The following SLC4A1AP variants were observed in gnomAD, a reference collection of about 807,000 sequenced individuals.
SLC4A1AP encodes kanadaptin.
Under a neutral mutation model 89.7 loss-of-function variants are expected in SLC4A1AP, and 64 were observed. That is an observed-to-expected ratio of 0.71 (90% CI 0.58 to 0.88). The LOEUF is 0.88. Among genes scored for constraint, SLC4A1AP ranks in the 40% least tolerant of loss-of-function variants. The probability of loss-of-function intolerance (pLI) is 0.00; values close to 1 mark genes in which losing one functional copy is unlikely to be tolerated. For missense variants in SLC4A1AP, 931 were observed against 965.0 expected (o/e 0.96, Z 0.47); for synonymous variants, 366 against 353.3 (o/e 1.04, Z -0.40).
chr2:27,676,138 C>CA (rs1172179212), intron 6 of SLC4A1AP, among the ~76,000 whole-genome samples: 1 of 152,098 alleles, frequency 6.6e-6, no homozygotes, highest in Non-Finnish European at 1.5e-5. Flanking sequence ...GGGTAGGTAA[C>CA]AGACAATAAT....
At position 27,688,747 on chromosome 2, in the gene SLC4A1AP, A is replaced by G. The variant is rs540451865; in HGVS notation, c.2251A>G (p.Lys751Glu). ...AAGCAGAGGTGAATTGAAGAAAAAG[A>G]AAACACCTGGTCCAGGCAAAGTAAG... Residue 751 changes from lysine to glutamate, a missense_variant, in exon 12 of 14, where the codon AAA becomes GAA. Lys to Glu is a moderately conservative substitution (Grantham distance 56). Transcript: ENST00000613058. 1.4e-5 allele frequency: 22 copies of G among 1,605,534 alleles called. No individual in the cohort carries two copies. In the South Asian group the frequency reaches 1.7e-4, roughly 12 times the overall value.
At chr2:27,676,595 G>C (rs768762592) in intron 6 of SLC4A1AP, among the ~76,000 whole-genome samples, 1 of 152,064 alleles carries the variant, frequency 6.6e-6, no homozygotes, top group Non-Finnish European at 1.5e-5. Flanking sequence ...GCTGAGGCCG[G>C]TGGATCACCT....
Position 27,664,582 on chromosome 2 carries a change from G to A in SLC4A1AP, c.825+5G>A. 2 of 1,594,780 alleles carry A rather than the reference G, an allele frequency of 1.3e-6. No homozygotes were observed. The highest frequency in any genetic ancestry group is 1.7e-6 in the Non-Finnish European group (2 of 1,168,434). On this transcript the variant is annotated splice_donor_5th_base_variant and intron_variant, in intron 1 of 13. Coordinates refer to ENST00000613058, the Ensembl canonical transcript of SLC4A1AP. ...ACCCGGCTCTTTATCCTGCAGGTAG[G>A]TAGAAAAACCTAGAATTGAAATTTC...
intron 3 of SLC4A1AP, among the ~76,000 whole-genome samples, 166 bp downstream of exon 3, chr2:27,667,556 T>G (rs1340093683): frequency 6.6e-6 from 1 of 152,220 alleles, no homozygotes; most frequent in East Asian, 1.9e-4. Flanking sequence ...TTTTGAAAAT[T>G]ATTCCTCATT....
intron 9 of SLC4A1AP, among the ~76,000 whole-genome samples, chr2:27,683,669 G>C (rs929048559): frequency 6.6e-6 from 1 of 152,090 alleles, no homozygotes; most frequent in African/African-American, 2.4e-5. Context: ...GGCACAATTC[G>C]TCCAAAACAC....
At chr2:27,672,366 C>T (rs1319014448) in intron 5 of SLC4A1AP, among the ~76,000 whole-genome samples, 1 of 151,474 alleles carries the variant, frequency 6.6e-6, no homozygotes, top group African/African-American at 2.4e-5. Context: ...ATCTTTCTGT[C>T]TTCTCTATTT....
At chr2:27,676,998 G>C (rs1028594990) in intron 6 of SLC4A1AP, among the ~76,000 whole-genome samples, 17 of 152,018 alleles carry the variant, frequency 1.1e-4, no homozygotes, top group African/African-American at 4.1e-4. Flanking sequence ...AAGTAGCTGG[G>C]TGTGGTGGTG....
chr2:27,690,491 T>C (rs1252172531), intron 12 of SLC4A1AP, among the ~76,000 whole-genome samples: 1 of 152,148 alleles, frequency 6.6e-6, no homozygotes, highest in Admixed American at 6.6e-5. Flanking sequence ...TTTTTATTTT[T>C]ATTTTTATTT....
chr2:27,693,515 A>G (rs1283813126), intron 12 of SLC4A1AP, 170 bp from the exon 13 acceptor site: 1 of 578,014 alleles, frequency 1.7e-6, no homozygotes, highest in Non-Finnish European at 3.1e-6. Flanking sequence ...TGTCTGAAAA[A>G]GACTTTATTT....
At position 27,668,747 on chromosome 2, in the gene SLC4A1AP, A is replaced by G. The variant is rs141260067; in HGVS notation, c.1145-96A>G. 919 of 1,159,196 alleles carry G rather than the reference A, an allele frequency of 7.9e-4. 1 individual carries two copies. The African/African-American group carries it at 0.012, about 16-fold the overall frequency. 71.8% of individuals were successfully genotyped at this position (1,159,196 alleles called of 1,614,324 possible). A position where few individuals can be genotyped will look rare whatever the true frequency, so the allele number is the denominator to read the frequency against. On this transcript the variant is annotated intron_variant, in intron 3 of 13. Coordinates refer to ENST00000613058, the Ensembl canonical transcript of SLC4A1AP. ...TTACAGGCGTGAGCCACTGCTAGGA[A>G]CTTGTTCGTATTTAACGTTTGTTCT...
intron 8 of SLC4A1AP, among the ~76,000 whole-genome samples, chr2:27,680,286 A>C (rs1485307000): frequency 3.3e-5 from 5 of 152,124 alleles, no homozygotes; most frequent in African/African-American, 1.2e-4. Context: ...TTCACAGTAT[A>C]TGTGCTTTAT....
At chr2:27,688,608 C>T (rs1368853427) in intron 11 of SLC4A1AP, 92 bp from the exon 12 acceptor site, 4 of 795,162 alleles carry the variant, frequency 5.0e-6, no homozygotes, top group Non-Finnish European at 8.3e-6. Flanking sequence ...ATCTTTTCTT[C>T]AATAATTGTA....
chr2:27,668,974 TAAC>T (rs1675378636), intron 4 of SLC4A1AP, 71 bp downstream of exon 4: 14 of 1,402,368 alleles, frequency 1.0e-5, no homozygotes, highest in Non-Finnish European at 1.3e-5. Flanking sequence ...TGGTTATAGA[TAAC>T]AACCCAAAGA....
At chr2:27,678,787 C>T (rs1204151750) in intron 8 of SLC4A1AP, among the ~76,000 whole-genome samples, 3 of 149,452 alleles carry the variant, frequency 2.0e-5, no homozygotes, top group Non-Finnish European at 4.4e-5. Flanking sequence ...GGCACAGTGA[C>T]AGCTCACTGC....
chr2:27,694,351 G>A (rs1268220437), intron 13 of SLC4A1AP, among the ~76,000 whole-genome samples: 2 of 152,164 alleles, frequency 1.3e-5, no homozygotes, highest in Non-Finnish European at 2.9e-5. Context: ...CAATGTATGA[G>A]ATACTTACTT....
chr2:27,674,521 CTT>C (rs1209802518), intron 5 of SLC4A1AP, among the ~76,000 whole-genome samples: 2 of 151,728 alleles, frequency 1.3e-5, no homozygotes, highest in African/African-American at 2.4e-5. Flanking sequence ...AATTATTAAT[CTT>C]TTTATGTTTT....
Position 27,688,620 on chromosome 2 carries a change from T to C in SLC4A1AP, c.2204-80T>C, listed in dbSNP as rs888232568. On this transcript the variant is annotated intron_variant, in intron 11 of 13. Coordinates refer to ENST00000613058, the Ensembl canonical transcript of SLC4A1AP. Reference sequence around the variant, plus strand: ...AGCATCTTTTCTTCAATAATTGTAATGTTCTTTTAGGAAGAATTTTGCCTT... The same window carrying C: ...AGCATCTTTTCTTCAATAATTGTAACGTTCTTTTAGGAAGAATTTTGCCTT... The C allele has an allele frequency of 1.5e-5, 13 of 868,810 alleles. No individual in the cohort carries two copies. In the African/African-American group the frequency reaches 1.9e-4, roughly 13 times the overall value. 53.8% of individuals were successfully genotyped at this position (868,810 alleles called of 1,614,324 possible).
chr2:27,692,967 C>G (rs949723510), intron 12 of SLC4A1AP: 2 of 150,788 alleles, frequency 1.3e-5, no homozygotes, highest in African/African-American at 2.5e-5. Flanking sequence ...GACGGAATCT[C>G]GCTCTGTAGC....
chr2:27,694,679 A>G (rs199627040), exon 14 of SLC4A1AP: 13 of 1,577,540 alleles, frequency 8.2e-6, no homozygotes, highest in Admixed American at 1.7e-5. Flanking sequence ...AAGTATGGCT[A>G]TTGATTGCTT....
Sources: gnomAD v4.1 joint callset for allele counts (sites outside exome capture counted in the v4.1 genomes callset) on GRCh38, gnomAD v4.1.1 for gene constraint, MANE v1.5 for transcripts, NCBI Gene and HGNC (gene_info 2026-07-23, HGNC 2026-07-21) for gene names.